The following CDH12 variants were observed in gnomAD, a reference collection of about 807,000 sequenced individuals.
The protein encoded by CDH12 is cadherin-12.
A neutral mutation model predicts 74.1 loss-of-function variants in CDH12; 41 were observed. That is an observed-to-expected ratio of 0.55 (90% CI 0.43 to 0.72). The LOEUF is 0.72. Among genes scored for constraint, CDH12 ranks in the 30% least tolerant of loss-of-function variants. The pLI is 0.00. For synonymous variants in CDH12, 399 were observed against 355.0 expected (o/e 1.12, Z -1.39); for missense variants, 945 against 977.2 (o/e 0.97, Z 0.44).
At chr5:22,108,870 C>A (rs1461290108) in intron 4 of CDH12, among the ~76,000 whole-genome samples, 1 of 152,018 alleles carries the variant, frequency 6.6e-6, no homozygotes, top group Admixed American at 6.5e-5. Context: ...TTTTCAGCAA[C>A]CCCCATTAGA....
intron 10 of CDH12, among the ~76,000 whole-genome samples, chr5:21,784,892 C>T (rs992977096): frequency 2.0e-5 from 3 of 152,122 alleles, no homozygotes; most frequent in Admixed American, 2.0e-4. Context: ...TAGTCTGTAT[C>T]TGTTAGTACA....
chr5:21,814,743 A>G (rs1227695993), intron 9 of CDH12, among the ~76,000 whole-genome samples: 1 of 150,672 alleles, frequency 6.6e-6, no homozygotes, highest in Non-Finnish European at 1.5e-5. Flanking sequence ...ACTTAATTTT[A>G]TATTTAAATA....
At chr5:22,476,111 G>T (rs574534706) in intron 2 of CDH12, among the ~76,000 whole-genome samples, 1 of 152,028 alleles carries the variant, frequency 6.6e-6, no homozygotes, top group Admixed American at 6.5e-5. Flanking sequence ...CTAAAATGAT[G>T]TTGACATTTT....
At chr5:21,863,573 A>C in intron 6 of CDH12, among the ~76,000 whole-genome samples, 1 of 152,302 alleles carries the variant, frequency 6.6e-6, no homozygotes, top group Non-Finnish European at 1.5e-5. Flanking sequence ...ACTTTTACAC[A>C]GAAAAGACAG....
intron 1 of CDH12, among the ~76,000 whole-genome samples, chr5:22,774,578 C>T (rs186848904): frequency 1.3e-5 from 2 of 152,182 alleles, no homozygotes; most frequent in Non-Finnish European, 2.9e-5. Flanking sequence ...CCCATGAGAT[C>T]TGATGGTTTT....
At chr5:22,505,619 G>A (rs951894539) in intron 1 of CDH12, among the ~76,000 whole-genome samples, 1 of 151,938 alleles carries the variant, frequency 6.6e-6, no homozygotes, top group African/African-American at 2.4e-5. Context: ...TGTGATAGAT[G>A]GATCCAAATG....
chr5:22,550,329 C>G (rs2134178), intron 1 of CDH12, among the ~76,000 whole-genome samples: 24,184 of 152,042 alleles, frequency 0.16, 2,496 homozygotes, highest in East Asian at 0.37. Flanking sequence ...GACTGCATTT[C>G]CCATTGCCAA....
rs186315868 is a variant in CDH12, at chr5:21,835,356, C to G, written c.814+6805G>C. Reference sequence around the variant, plus strand: ...ATGCTCAGACTGTATATATATGTTACGTATGTGTGTGTATATATATATATA... The same window carrying G: ...ATGCTCAGACTGTATATATATGTTAGGTATGTGTGTGTATATATATATATA... On this transcript the variant is annotated intron_variant, in intron 8 of 14. Transcript: ENST00000382254. Among the ~76,000 whole-genome samples the G allele has an allele frequency of 8.4e-4, 126 of 149,910 alleles. 1 individual carries two copies. Among genetic ancestry groups the G allele is most frequent in the African/African-American group, 2.9e-3 (118 of 40,022 alleles).
chr5:22,560,706 C>A (rs1391391503), intron 1 of CDH12, among the ~76,000 whole-genome samples: 5 of 151,914 alleles, frequency 3.3e-5, no homozygotes, highest in East Asian at 1.9e-4. Context: ...AGATGTACTG[C>A]ACAGATCGTC....
intron 2 of CDH12, among the ~76,000 whole-genome samples, chr5:22,498,029 C>T (rs1747178031): frequency 6.6e-6 from 1 of 152,120 alleles, no homozygotes. Flanking sequence ...TTGAATAGCT[C>T]TTACCTTAGC....
chr5:21,773,228 A>G lies in CDH12; in HGVS notation c.1394-8129T>C, dbSNP rs4551032. 8.6e-3 allele frequency among the ~76,000 whole-genome samples: 1,316 copies of G among 152,220 alleles called. 6 individuals carry two copies. Among genetic ancestry groups the G allele is most frequent in the Admixed American group, 0.012 (189 of 15,286 alleles). On this transcript the variant is annotated intron_variant, in intron 11 of 14. Coordinates refer to ENST00000382254, the MANE Select transcript of CDH12 (RefSeq NM_004061.5). ...CTTCAAAGTTGTGATGGTTAATTTG[A>G]GTGTCAACTTGATTGGATTGAAGGA...
intron 2 of CDH12, among the ~76,000 whole-genome samples, chr5:22,478,060 G>C (rs985320191): frequency 1.3e-5 from 2 of 152,072 alleles, no homozygotes; most frequent in Non-Finnish European, 2.9e-5. Flanking sequence ...TCAGTATTTG[G>C]TAACATGTTC....
chr5:22,790,086 T>C (rs1355328330), intron 1 of CDH12, among the ~76,000 whole-genome samples: 1 of 152,062 alleles, frequency 6.6e-6, no homozygotes, highest in Non-Finnish European at 1.5e-5. Context: ...ATGATGTGGC[T>C]CATGAGAAAA....
intron 6 of CDH12, among the ~76,000 whole-genome samples, chr5:21,888,908 A>G (rs984133826): frequency 2.6e-5 from 4 of 152,046 alleles, no homozygotes; most frequent in Admixed American, 2.0e-4. Flanking sequence ...TTAAGCTTCT[A>G]TCATTATAGA....
intron 4 of CDH12, among the ~76,000 whole-genome samples, chr5:22,081,078 C>T (rs1211706511): frequency 1.3e-5 from 2 of 152,120 alleles, no homozygotes; most frequent in African/African-American, 4.8e-5. Flanking sequence ...CTCGCTTGGC[C>T]TCTTTCCAAT....
chr5:21,939,570 A>G (rs546423689), intron 6 of CDH12, among the ~76,000 whole-genome samples: 95 of 152,206 alleles, frequency 6.2e-4, no homozygotes, highest in African/African-American at 2.0e-3. Flanking sequence ...AAAGAAAATT[A>G]GTTTCAGATT....
At chr5:21,985,774 T>C (rs1233583544) in intron 5 of CDH12, among the ~76,000 whole-genome samples, 1 of 152,118 alleles carries the variant, frequency 6.6e-6, no homozygotes, top group Admixed American at 6.6e-5. Context: ...TATTCTGAGC[T>C]CAAGAACATC....
chr5:22,849,532 G>A (rs1229800002), intron 1 of CDH12, among the ~76,000 whole-genome samples: 2 of 152,066 alleles, frequency 1.3e-5, no homozygotes, highest in African/African-American at 4.8e-5. Context: ...TATGTATTTG[G>A]ACTTGGAACC....
intron 3 of CDH12, among the ~76,000 whole-genome samples, chr5:22,386,088 C>T (rs1328199470): frequency 2.0e-5 from 3 of 151,958 alleles, no homozygotes; most frequent in Non-Finnish European, 2.9e-5. Flanking sequence ...GATGAGGTTT[C>T]ACCATGTTGG....
Sources: gnomAD v4.1 joint callset for allele counts (sites outside exome capture counted in the v4.1 genomes callset) on GRCh38, gnomAD v4.1.1 for gene constraint, MANE v1.5 for transcripts, NCBI Gene and HGNC (gene_info 2026-07-23, HGNC 2026-07-21) for gene names.